Variants in LRRC43 observed in about 807,000 individuals in gnomAD.
LRRC43 encodes the protein leucine-rich repeat-containing protein 43.
Under a neutral mutation model 64.3 loss-of-function variants are expected in LRRC43, and 62 were observed. The observed-to-expected ratio is 0.96, with a 90% CI of 0.79 to 1.19. LRRC43 has a LOEUF of 1.19. Among genes scored for constraint, LRRC43 ranks in the 50% most tolerant of loss-of-function variants. The probability of loss-of-function intolerance (pLI) is 0.00; values close to 1 mark genes in which losing one functional copy is unlikely to be tolerated. For missense variants in LRRC43, 868 were observed against 845.0 expected (o/e 1.03, Z -0.34); for synonymous variants, 422 against 382.3 (o/e 1.10, Z -1.21).
chr12:122,190,727 G>A (rs1285297843), intron 5 of LRRC43, among the ~76,000 whole-genome samples: 1 of 152,176 alleles, frequency 6.6e-6, no homozygotes, highest in Non-Finnish European at 1.5e-5. Context: ...GCCAGGCATG[G>A]TGGCAAGTGC....
chr12:122,201,300 C>A lies in LRRC43; in HGVS notation c.1814C>A (p.Ser605Ter). The change falls in exon 11 of 12, where the codon TCA (serine) becomes TAA (stop). Residue 605 changes from serine (S) to a stop codon, truncating the protein, a stop_gained. Coordinates refer to ENST00000339777, the MANE Select transcript of LRRC43 (RefSeq NM_001098519.2). LOFTEE classifies it low-confidence loss of function (END_TRUNC). Reference protein sequence around the residue: ...TSDRLTLARDSKKIKKVAKKE... With the variant: ...TSDRLTLARD ...TTTTGTGGTTCTTTCTCTCAGGATT[C>A]AAAGAAGATTAAGAAAGTTGCCAAA... 1.9e-6 allele frequency: 3 copies of A among 1,613,980 alleles called. 1 individual carries two copies. The South Asian group carries it at 3.3e-5, about 18-fold the overall frequency.
At chr12:122,190,062 G>T in intron 4 of LRRC43, 68 bp from the exon 5 acceptor site, 1 of 1,289,060 alleles carries the variant, frequency 7.8e-7, no homozygotes, top group Non-Finnish European at 1.1e-6. Context: ...CGTCCGTTTT[G>T]GCCACAGGCT....
chr12:122,186,379 T>TG, intron 3 of LRRC43, 79 bp downstream of exon 3: 2 of 875,540 alleles, frequency 2.3e-6, no homozygotes, highest in Non-Finnish European at 1.8e-6. Flanking sequence ...CCACATAGTG[T>TG]GGCCAGCATG....
intron 7 of LRRC43, among the ~76,000 whole-genome samples, chr12:122,199,426 G>C (rs1238540156): frequency 6.6e-6 from 1 of 151,846 alleles, no homozygotes; most frequent in African/African-American, 2.4e-5. Flanking sequence ...GGGACCACGG[G>C]CACATGCCAC....
chr12:122,169,100 T>A (rs1000661876), intron 1 of LRRC43, among the ~76,000 whole-genome samples: 1 of 152,064 alleles, frequency 6.6e-6, no homozygotes, highest in African/African-American at 2.4e-5. Context: ...CTGAGATGCA[T>A]CTCCCCTGCC....
upstream of LRRC43, among the ~76,000 whole-genome samples, chr12:122,181,201 A>G (rs1332458297): frequency 6.6e-6 from 1 of 151,316 alleles, no homozygotes; most frequent in Non-Finnish European, 1.5e-5. Context: ...CTGGATAACA[A>G]AGGGAGACCC....
At chr12:122,197,725 TAAG>T (rs1953786686) in intron 7 of LRRC43, among the ~76,000 whole-genome samples, 1 of 151,814 alleles carries the variant, frequency 6.6e-6, no homozygotes, top group Admixed American at 6.6e-5. Context: ...GGGAAACTAG[TAAG>T]AAGTTTTCAA....
At chr12:122,189,287 C>A (rs891775534) in intron 4 of LRRC43, 5 of 375,250 alleles carry the variant, frequency 1.3e-5, no homozygotes, top group Admixed American at 1.3e-4. Flanking sequence ...CCCCGAGGAA[C>A]CTGGAGGGCA....
At chr12:122,172,238 G>A in intron 1 of LRRC43, 1 of 577,544 alleles carries the variant, frequency 1.7e-6, no homozygotes, top group South Asian at 2.2e-5. Context: ...GTTTTTCAAG[G>A]TAATTCACAA....
chr12:122,190,114 C>A lies in LRRC43; in HGVS notation c.663-16C>A, dbSNP rs1336490959. On this transcript the variant is annotated splice_polypyrimidine_tract_variant and intron_variant, in intron 4 of 11. Coordinates refer to ENST00000339777, the MANE Select transcript of LRRC43 (RefSeq NM_001098519.2). ...CCTGGCTTCTTGACCCCCAGACGGT[C>A]CTGCTCACCTTCCAGGCCCAACCTC... The A allele has an allele frequency of 1.2e-6, 2 of 1,609,394 alleles. No individual in the cohort carries two copies. Among genetic ancestry groups the A allele is most frequent in the East Asian group, 2.2e-5 (1 of 44,872 alleles).
At chr12:122,175,293 C>A (rs1431379054) in intron 1 of LRRC43, among the ~76,000 whole-genome samples, 2 of 151,922 alleles carry the variant, frequency 1.3e-5, no homozygotes, top group Admixed American at 1.3e-4. Context: ...CCTCAGCCTC[C>A]TGAGTGGCTG....
upstream of LRRC43, among the ~76,000 whole-genome samples, chr12:122,179,532 C>T (rs945379693): frequency 6.6e-6 from 1 of 152,048 alleles, no homozygotes; most frequent in African/African-American, 2.4e-5. Context: ...TGGGTGCCAT[C>T]AAGGTATTGT....
intron 7 of LRRC43, among the ~76,000 whole-genome samples, chr12:122,198,254 T>G (rs1953791574): frequency 6.6e-6 from 1 of 152,202 alleles, no homozygotes; most frequent in Non-Finnish European, 1.5e-5. Flanking sequence ...CCCAGAATGC[T>G]GGGATGACAG....
chr12:122,191,455 A>G lies in LRRC43; in HGVS notation c.977A>G (p.Asp326Gly). 3 of 1,613,950 alleles carry G rather than the reference A, an allele frequency of 1.9e-6. No individual in the cohort carries two copies. The highest frequency in any genetic ancestry group is 2.5e-6 in the Non-Finnish European group (3 of 1,179,992). ...IRGVLDTSVL[D>G]PEPRPEGPFI... ...GGAGTCCTGGACACCTCTGTCTTAG[A>G]CCCGGAACCCAGGCCCGAAGGCCCT... Residue 326 changes from aspartate (D) to glycine (G), a missense_variant, in exon 6 of 12, where the codon GAC becomes GGC. Physicochemically the swap from Asp to Gly is moderately conservative, Grantham distance 94 (BLOSUM62 -1). Coordinates refer to ENST00000339777, the MANE Select transcript of LRRC43 (RefSeq NM_001098519.2).
upstream of LRRC43, among the ~76,000 whole-genome samples, chr12:122,181,762 C>A (rs540395968): frequency 5.3e-5 from 8 of 150,912 alleles, no homozygotes; most frequent in East Asian, 1.7e-3. Context: ...TGTGTCACCA[C>A]GCCTGGCTAA....
intron 11 of LRRC43, chr12:122,202,218 TA>T (rs1272496808): frequency 5.3e-5 from 8 of 151,278 alleles, no homozygotes; most frequent in African/African-American, 1.5e-4. Context: ...TTTTTTTTTT[TA>T]ATCTCTTTAA....
chr12:122,169,592 T>A (rs1185000647), intron 1 of LRRC43, among the ~76,000 whole-genome samples: 1 of 151,662 alleles, frequency 6.6e-6, no homozygotes, highest in African/African-American at 2.4e-5. Flanking sequence ...GGCGGGCGCC[T>A]GTAGTCCCAG....
At chr12:122,181,036 C>T (rs188260345), upstream of LRRC43, among the ~76,000 whole-genome samples, 3 of 151,158 alleles carry the variant, frequency 2.0e-5, no homozygotes, top group Admixed American at 1.3e-4. Flanking sequence ...GGCAACATGG[C>T]GAAACCCCAT....
chr12:122,182,057 T>A (rs1328396672), upstream of LRRC43, among the ~76,000 whole-genome samples: 1 of 151,802 alleles, frequency 6.6e-6, no homozygotes, highest in Non-Finnish European at 1.5e-5. Flanking sequence ...TGATTAAGTT[T>A]GGGGGCTCCT....
Sources: gnomAD v4.1 joint callset for allele counts (sites outside exome capture counted in the v4.1 genomes callset) on GRCh38, gnomAD v4.1.1 for gene constraint, MANE v1.5 for transcripts, NCBI Gene and HGNC (gene_info 2026-07-23, HGNC 2026-07-21) for gene names.